PKD2L1: variants seen among roughly 807,000 people sequenced by gnomAD.
The protein encoded by PKD2L1 is polycystin-2-like protein 1.
Under a neutral mutation model 93.0 loss-of-function variants are expected in PKD2L1, and 77 were observed. The ratio of observed to expected loss-of-function variants is 0.83; its 90% CI spans 0.69 to 1.00. The LOEUF (loss-of-function observed/expected upper bound fraction) is 1.00. Among genes scored for constraint, PKD2L1 ranks in the 50% least tolerant of loss-of-function variants. PKD2L1 has a pLI of 0.00. For synonymous variants in PKD2L1, 390 were observed against 388.0 expected (o/e 1.01, Z -0.06); for missense variants, 977 against 990.9 (o/e 0.99, Z 0.19).
At chr10:100,323,169 T>G (rs1353990069) in intron 2 of PKD2L1, among the ~76,000 whole-genome samples, 3 of 152,246 alleles carry the variant, frequency 2.0e-5, no homozygotes, top group Non-Finnish European at 4.4e-5. Context: ...AGGATGCTAC[T>G]CAAATAATAC....
chr10:100,299,770 A>G lies in PKD2L1; in HGVS notation c.350-52T>C. 4 of 1,572,030 alleles carry G rather than the reference A, an allele frequency of 2.5e-6. No individual in the cohort carries two copies. The South Asian group carries it at 4.4e-5, about 17-fold the overall frequency. On this transcript the variant is annotated intron_variant, in intron 2 of 15. Coordinates refer to ENST00000318222, the MANE Select transcript of PKD2L1 (RefSeq NM_016112.3). ...CCTTCTCACTGTTCCCCCAGAGGAG[A>G]CAGGAAAGCCTATTGCCCTGGAGTC... is the stretch of plus-strand genomic sequence containing the variant.
intron 2 of PKD2L1, among the ~76,000 whole-genome samples, chr10:100,306,284 G>C (rs1057354077): frequency 6.6e-6 from 1 of 152,202 alleles, no homozygotes; most frequent in African/African-American, 2.4e-5. Context: ...AATCAGACAA[G>C]CAATCAGTCC....
Position 100,293,330 on chromosome 10 carries a change from T to A in PKD2L1, c.1709A>T (p.Glu570Val). The A allele has an allele frequency of 1.2e-6, 2 of 1,613,858 alleles. No homozygotes were observed. Among genetic ancestry groups the A allele is most frequent in the Non-Finnish European group, 1.7e-6 (2 of 1,179,736 alleles). The change falls in exon 10 of 16, where the codon GAG becomes GTG. Residue 570 changes from glutamate to valine, a missense_variant. Coordinates refer to ENST00000318222, the MANE Select transcript of PKD2L1 (RefSeq NM_016112.3). The stretch of plus-strand genomic sequence containing the variant: ...CAGCTCATCCTTCTGTCCAGCCAGC[T>A]CCTCCTTGACCTCTGAATATGTGTC... The part of the protein sequence containing the change: ...INDTYSEVKE[E>V]LAGQKDELQL...
At chr10:100,311,246 T>A (rs907436981) in intron 2 of PKD2L1, among the ~76,000 whole-genome samples, 11 of 152,212 alleles carry the variant, frequency 7.2e-5, no homozygotes, top group African/African-American at 2.7e-4. Flanking sequence ...TGCAGTACTC[T>A]TGTTTAATCT....
At chr10:100,306,108 A>G (rs1220282868) in intron 2 of PKD2L1, among the ~76,000 whole-genome samples, 3 of 152,104 alleles carry the variant, frequency 2.0e-5, no homozygotes, top group African/African-American at 7.2e-5. Context: ...GGCTGCAGTG[A>G]GCCAAGATCA....
In PKD2L1 at chr10:100,316,236, G is replaced by A. The variant is rs371929954; in HGVS notation, c.349+12975C>T. Among the ~76,000 whole-genome samples, 9 of 152,284 alleles carry A rather than the reference G, an allele frequency of 5.9e-5. No homozygotes were observed. In the East Asian group the frequency reaches 7.7e-4, roughly 13 times the overall value. On this transcript the variant is annotated intron_variant, in intron 2 of 15. Transcript: ENST00000318222. ...TGCCCAGGCTGGTGTGCAATGGCAC[G>A]ATCTCAGCTCATTGCAAACTCTGCC...
At chr10:100,328,507 A>T (rs988770163) in intron 2 of PKD2L1, among the ~76,000 whole-genome samples, 1 of 152,072 alleles carries the variant, frequency 6.6e-6, no homozygotes, top group African/African-American at 2.4e-5. Context: ...TCTGCCTCTA[A>T]AGAAACATGC....
intron 7 of PKD2L1, 43 bp downstream of exon 7, chr10:100,296,079 G>A: frequency 3.5e-6 from 5 of 1,448,052 alleles, no homozygotes; most frequent in Non-Finnish European, 4.7e-6. Context: ...AAGGGAGAAT[G>A]AGTGCGCCTT....
intron 2 of PKD2L1, among the ~76,000 whole-genome samples, chr10:100,300,505 G>C (rs577567572): frequency 8.5e-5 from 13 of 152,264 alleles, no homozygotes; most frequent in Non-Finnish European, 2.9e-5. Context: ...ACTAAGTTTT[G>C]TTTACAAAGC....
chr10:100,295,129 AG>A lies in PKD2L1; in HGVS notation c.1357-7del. The stretch of plus-strand genomic sequence containing the variant: ...AAGCTGATGTACTTGAATATCTGGA[AG>A]GACCATGTTGAACCAAGGGATGAAG... On this transcript the variant is annotated splice_polypyrimidine_tract_variant and splice_region_variant and intron_variant, in intron 7 of 15. Transcript: ENST00000318222. The A allele has an allele frequency of 1.9e-6, 3 of 1,612,920 alleles. No individual in the cohort carries two copies. Among genetic ancestry groups the A allele is most frequent in the Non-Finnish European group, 2.5e-6 (3 of 1,179,046 alleles).
At chr10:100,291,137 C>T (rs1408125468) in intron 12 of PKD2L1, among the ~76,000 whole-genome samples, 164 bp downstream of exon 12, 1 of 152,100 alleles carries the variant, frequency 6.6e-6, no homozygotes, top group African/African-American at 2.4e-5. Flanking sequence ...TTTAAAGGCC[C>T]CCCAGGGTAT....
chr10:100,297,701 A>AT (rs1848581118), intron 4 of PKD2L1, 95 bp from the exon 5 acceptor site: 1 of 662,400 alleles, frequency 1.5e-6, no homozygotes, highest in Non-Finnish European at 2.5e-6. Flanking sequence ...AGGTTTACAT[A>AT]TTGTGTGTGT....
rs372890992 is a variant in PKD2L1, at chr10:100,288,521, C to T, written c.2336-43G>A. On this transcript the variant is annotated intron_variant, in intron 15 of 15. Transcript: ENST00000318222. The stretch of plus-strand genomic sequence containing the variant: ...AAACCCATGGGTGCTAGCAACAAAT[C>T]TTGGGATGCACAAAGGATAAGAATA... 7.4e-5 allele frequency: 85 copies of T among 1,149,592 alleles called. No homozygotes were observed. The Middle Eastern group carries it at 1.2e-3, about 16-fold the overall frequency. 71.2% of individuals were successfully genotyped at this position (1,149,592 alleles called of 1,614,324 possible).
intron 7 of PKD2L1, 106 bp downstream of exon 7, chr10:100,296,016 A>G: frequency 1.0e-6 from 1 of 1,003,520 alleles, no homozygotes; most frequent in Non-Finnish European, 1.4e-6. Flanking sequence ...CAGCCTGGGC[A>G]AGAGCGAGAC....
chr10:100,321,707 GAA>G (rs1849239486), intron 2 of PKD2L1, among the ~76,000 whole-genome samples: 1 of 4,682 alleles, frequency 2.1e-4, no homozygotes, highest in East Asian at 6.0e-3. Context: ...AAGAAAGAAA[GAA>G]AGAAAGAAAG....
At chr10:100,327,149 G>A (rs1191089306) in intron 2 of PKD2L1, among the ~76,000 whole-genome samples, 1 of 152,178 alleles carries the variant, frequency 6.6e-6, no homozygotes, top group African/African-American at 2.4e-5. Context: ...GGCTCCATAA[G>A]AGGAAGGAAA....
intron 2 of PKD2L1, among the ~76,000 whole-genome samples, chr10:100,317,862 C>T (rs1849134992): frequency 1.3e-5 from 2 of 152,128 alleles, no homozygotes; most frequent in African/African-American, 4.8e-5. Context: ...GGGCAGATCA[C>T]CTGAGATCAG....
chr10:100,326,403 C>G (rs1339107580), intron 2 of PKD2L1, among the ~76,000 whole-genome samples: 1 of 152,222 alleles, frequency 6.6e-6, no homozygotes, highest in East Asian at 1.9e-4. Context: ...GGCACATGCT[C>G]TCCCCTCTTC....
chr10:100,292,951 C>G lies in PKD2L1; in HGVS notation c.1877G>C (p.Arg626Thr). Residue 626 changes from arginine to threonine, a missense_variant, in exon 11 of 16, where the codon AGG becomes ACG. By Grantham distance (71) the Arg-to-Thr change is moderately conservative. Coordinates refer to ENST00000318222, the MANE Select transcript of PKD2L1 (RefSeq NM_016112.3). ...GGCTGGGTCTCTGGTTGCTCACTCC[C>G]TTAAGGTGTTGGTGAAATCCTCAAA... Reference protein sequence around the residue: ...IQFEDFTNTLRELGHAEHEIT... With the variant: ...IQFEDFTNTLTELGHAEHEIT... The G allele has an allele frequency of 6.2e-7, 1 of 1,613,900 alleles. No homozygotes were observed. The highest frequency in any genetic ancestry group is 2.2e-5 in the East Asian group (1 of 44,892).
Sources: gnomAD v4.1 joint callset for allele counts (sites outside exome capture counted in the v4.1 genomes callset) on GRCh38, gnomAD v4.1.1 for gene constraint, MANE v1.5 for transcripts, NCBI Gene and HGNC (gene_info 2026-07-23, HGNC 2026-07-21) for gene names.